The following OTUD7B variants were observed in gnomAD, a reference collection of about 807,000 sequenced individuals.
OTUD7B encodes OTU domain-containing protein 7B.
OTUD7B carries 34 observed loss-of-function variants against 82.2 expected under a neutral mutation model. That is an observed-to-expected ratio of 0.41 (90% CI 0.31 to 0.55). The LOEUF is 0.55. OTUD7B is among the 20% of genes least tolerant of loss of function. The pLI, the probability that OTUD7B is intolerant of heterozygous loss-of-function variation, is 0.20. For missense variants in OTUD7B, 944 were observed against 1,062.1 expected (o/e 0.89, Z 1.55); for synonymous variants, 398 against 402.7 (o/e 0.99, Z 0.14).
At chr1:150,016,408 C>T in the OTUD7B span, among the ~76,000 whole-genome samples, 1 of 151,680 alleles carries the variant, frequency 6.6e-6, no homozygotes, top group Non-Finnish European at 1.5e-5. Context: ...GGTGAAAAAG[C>T]CCTGATTTGT....
upstream of OTUD7B, among the ~76,000 whole-genome samples, chr1:150,014,161 G>A (rs587661470): frequency 5.7e-4 from 81 of 142,598 alleles, no homozygotes; most frequent in Admixed American, 1.0e-3. Context: ...CACTTTGGGA[G>A]GCCAAGGCAG....
At chr1:150,025,703 C>A in the OTUD7B span, among the ~76,000 whole-genome samples, 1 of 152,182 alleles carries the variant, frequency 6.6e-6, no homozygotes, top group Non-Finnish European at 1.5e-5. Flanking sequence ...GATGGAAAGG[C>A]TCTGATCAGA....
intron 1 of OTUD7B, among the ~76,000 whole-genome samples, chr1:149,994,584 CAAAAAAAAAA>C (rs796210721): frequency 7.3e-5 from 3 of 41,070 alleles, no homozygotes; most frequent in Admixed American, 5.4e-4. Context: ...GACTCCATCT[CAAAAAAAAAA>C]AAAAAAAAAA....
At position 150,008,032 on chromosome 1, in the gene OTUD7B, C is replaced by G. The variant is rs138355750; in HGVS notation, c.-67+2416G>C. Among the ~76,000 whole-genome samples the G allele has an allele frequency of 3.5e-3, 537 of 152,312 alleles. 3 individuals are homozygous for G. Among genetic ancestry groups the G allele is most frequent in the African/African-American group, 0.012 (516 of 41,560 alleles). Reference sequence around the variant, plus strand: ...ATACTCAGGAGCTCCAAAACTTTGACAAGTGGCACTTAGTGCCCTCATAAC... The same window carrying G: ...ATACTCAGGAGCTCCAAAACTTTGAGAAGTGGCACTTAGTGCCCTCATAAC... On this transcript the variant is annotated intron_variant, in intron 1 of 11. Transcript: ENST00000581312.
At chr1:149,970,631 T>G (rs1390891317) in intron 3 of OTUD7B, among the ~76,000 whole-genome samples, 3 of 152,156 alleles carry the variant, frequency 2.0e-5, no homozygotes, top group Non-Finnish European at 4.4e-5. Flanking sequence ...ATGTATTTAT[T>G]TAGAGAATAC....
upstream of OTUD7B, among the ~76,000 whole-genome samples, chr1:150,013,995 T>TATATACACACACACAC (rs1461049513): frequency 7.9e-6 from 1 of 127,084 alleles, no homozygotes; most frequent in Non-Finnish European, 1.7e-5. Flanking sequence ...CACACATATA[T>TATATACACACACACAC]ACACACATAT....
intron 1 of OTUD7B, among the ~76,000 whole-genome samples, chr1:149,999,216 T>C (rs1553784100): frequency 6.6e-6 from 1 of 152,180 alleles, no homozygotes; most frequent in Non-Finnish European, 1.5e-5. Context: ...TATACAAAAT[T>C]ACAAAGATGT....
At chr1:150,002,823 T>C (rs1553785190) in intron 1 of OTUD7B, among the ~76,000 whole-genome samples, 1 of 152,152 alleles carries the variant, frequency 6.6e-6, no homozygotes, top group African/African-American at 2.4e-5. Flanking sequence ...TCACTCTCAA[T>C]AAATGTGTTC....
chr1:150,031,897 A>T, the OTUD7B span, among the ~76,000 whole-genome samples: 1 of 152,248 alleles, frequency 6.6e-6, no homozygotes, highest in African/African-American at 2.4e-5. Flanking sequence ...TTTGGCAAAT[A>T]TCCTTCCAGA....
chr1:150,049,632 TC>T, the OTUD7B span, among the ~76,000 whole-genome samples: 983 of 13,292 alleles, frequency 0.074, 61 homozygotes, highest in Middle Eastern at 0.26. Context: ...TCTCTCTCTT[TC>T]TTTTTTTTTT....
intron 2 of OTUD7B, 28 bp from the exon 3 acceptor site, chr1:149,971,279 C>T: frequency 6.4e-7 from 1 of 1,559,406 alleles, no homozygotes. Flanking sequence ...AAAAAGCAAA[C>T]TGTGCAACCA....
intron 1 of OTUD7B, among the ~76,000 whole-genome samples, chr1:149,992,376 G>C (rs1651628518): frequency 6.6e-6 from 1 of 151,442 alleles, no homozygotes; most frequent in Admixed American, 6.6e-5. Context: ...GTGACATCAG[G>C]ATAATTTTTC....
intron 9 of OTUD7B, among the ~76,000 whole-genome samples, chr1:149,949,401 C>T (rs1015764382): frequency 3.3e-5 from 5 of 152,042 alleles, no homozygotes; most frequent in Non-Finnish European, 7.4e-5. Context: ...GAAGCTCTTA[C>T]ACCTTAATCA....
chr1:150,047,103 A>T, the OTUD7B span, among the ~76,000 whole-genome samples: 1 of 151,966 alleles, frequency 6.6e-6, no homozygotes, highest in Non-Finnish European at 1.5e-5. Context: ...CCTCACAACT[A>T]GGTCCTACAC....
upstream of OTUD7B, among the ~76,000 whole-genome samples, chr1:150,013,295 T>C (rs1366744085): frequency 2.6e-5 from 4 of 152,168 alleles, no homozygotes; most frequent in African/African-American, 9.7e-5. Context: ...TACATCACTT[T>C]AAGCAAGAGC....
chr1:149,998,854 A>C (rs1652085793), intron 1 of OTUD7B, among the ~76,000 whole-genome samples: 1 of 152,256 alleles, frequency 6.6e-6, no homozygotes, highest in Non-Finnish European at 1.5e-5. Flanking sequence ...CCTCACCTAG[A>C]AAATGACAAT....
At chr1:150,059,741 C>T in the OTUD7B span, among the ~76,000 whole-genome samples, 4 of 152,052 alleles carry the variant, frequency 2.6e-5, no homozygotes, top group South Asian at 2.1e-4. Context: ...ACATAAAACT[C>T]GGCTACTCTG....
At chr1:150,042,402 AC>A in the OTUD7B span, among the ~76,000 whole-genome samples, 1 of 151,492 alleles carries the variant, frequency 6.6e-6, no homozygotes, top group African/African-American at 2.4e-5. Flanking sequence ...CGAGCTCCTG[AC>A]CTCAGGTGAT....
At chr1:150,053,445 G>A in the OTUD7B span, among the ~76,000 whole-genome samples, 4 of 147,932 alleles carry the variant, frequency 2.7e-5, no homozygotes, top group Admixed American at 1.4e-4. Flanking sequence ...CACCCAGGCT[G>A]TAGTGCAGTG....
Sources: allele counts gnomAD v4.1 joint callset (sites outside exome capture counted in the v4.1 genomes callset), GRCh38; gene constraint gnomAD v4.1.1; transcripts MANE v1.5; gene names NCBI Gene and HGNC (gene_info 2026-07-23, HGNC 2026-07-21).